IGSF21: variants seen among roughly 807,000 people sequenced by gnomAD.
The protein encoded by IGSF21 is immunoglobulin superfamily member 21.
Under a neutral mutation model 46.8 loss-of-function variants are expected in IGSF21, and 28 were observed. The observed-to-expected ratio is 0.60, with a 90% CI of 0.44 to 0.82. The LOEUF (loss-of-function observed/expected upper bound fraction) is 0.82, where lower values mean the gene tolerates loss of function less well. Ranked by LOEUF, IGSF21 falls within the 40% of genes least tolerant of loss-of-function variation. The pLI is 0.00. For synonymous variants in IGSF21, 284 were observed against 273.6 expected, an observed-to-expected ratio of 1.04 and a Z score of -0.38; for missense variants, 624 against 665.5, an observed-to-expected ratio of 0.94 and a Z score of 0.69.
intron 2 of IGSF21, among the ~76,000 whole-genome samples, chr1:18,238,452 G>C (rs2084693410): frequency 6.6e-6 from 1 of 152,232 alleles, no homozygotes; most frequent in Non-Finnish European, 1.5e-5. Context: ...GGTGGTGGGG[G>C]AAGACTGGCT....
chr1:18,206,723 G>A (rs141668294), intron 1 of IGSF21, among the ~76,000 whole-genome samples: 26 of 152,262 alleles, frequency 1.7e-4, no homozygotes, highest in African/African-American at 4.6e-4. Flanking sequence ...GTGCCTCACC[G>A]CACAGGCTTC....
intron 3 of IGSF21, among the ~76,000 whole-genome samples, chr1:18,320,519 C>T (rs1432583132): frequency 6.6e-6 from 1 of 152,172 alleles, no homozygotes; most frequent in East Asian, 1.9e-4. Context: ...GGTTTGGCCC[C>T]GGGTCATCCA....
intron 1 of IGSF21, among the ~76,000 whole-genome samples, chr1:18,141,646 G>A (rs1042259782): frequency 6.6e-6 from 1 of 152,170 alleles, no homozygotes; most frequent in African/African-American, 2.4e-5. Context: ...GATGACTTTA[G>A]GCAAGTCGCT....
intron 1 of IGSF21, among the ~76,000 whole-genome samples, chr1:18,209,755 C>T (rs1017374200): frequency 3.3e-5 from 5 of 152,088 alleles, no homozygotes; most frequent in East Asian, 1.9e-4. Flanking sequence ...CCACCGCACC[C>T]GGCCAGGCCT....
chr1:18,193,908 G>A (rs746958751), intron 1 of IGSF21, among the ~76,000 whole-genome samples: 21 of 152,152 alleles, frequency 1.4e-4, no homozygotes, highest in African/African-American at 4.8e-4. Flanking sequence ...TTCCCCCTGA[G>A]TGTGTGTCTG....
chr1:18,117,647 A>G (rs997176642), intron 1 of IGSF21, among the ~76,000 whole-genome samples: 2 of 152,076 alleles, frequency 1.3e-5, no homozygotes, highest in African/African-American at 4.8e-5. Flanking sequence ...TCCCTTGATG[A>G]TGTTTGGCTC....
chr1:18,152,750 A>G (rs755993297), intron 1 of IGSF21, among the ~76,000 whole-genome samples: 1 of 152,142 alleles, frequency 6.6e-6, no homozygotes, highest in African/African-American at 2.4e-5. Flanking sequence ...TATAAAGCCA[A>G]CTAAGGACAG....
In IGSF21 at chr1:18,359,508, G is replaced by A. The variant is rs658512; in HGVS notation, c.425-2607G>A. Among the ~76,000 whole-genome samples the A allele has an allele frequency of 9.8e-3, 629 of 64,014 alleles. 14 individuals carry two copies. The highest frequency in any genetic ancestry group is 0.029 in the South Asian group (51 of 1,742). 42.0% of individuals were successfully genotyped at this position (64,014 alleles called of 152,430 possible). A position where few individuals can be genotyped will look rare whatever the true frequency, so the allele number is the denominator to read the frequency against. ...GGAAGGAAGGAAGGAAGGAAGGAAG[G>A]AAGGAAAAGCAATCCTCTCCTCTCA... On this transcript the variant is annotated intron_variant, in intron 4 of 9. Coordinates refer to ENST00000251296, the MANE Select transcript of IGSF21 (RefSeq NM_032880.5).
chr1:18,311,751 G>A (rs1243140268), intron 3 of IGSF21, among the ~76,000 whole-genome samples: 1 of 152,198 alleles, frequency 6.6e-6, no homozygotes, highest in Non-Finnish European at 1.5e-5. Flanking sequence ...GAGAGAATGA[G>A]AGCCAAGTGA....
chr1:18,371,280 A>G (rs977882700), intron 6 of IGSF21, among the ~76,000 whole-genome samples: 3 of 152,336 alleles, frequency 2.0e-5, no homozygotes, highest in Admixed American at 6.5e-5. Context: ...GCTCAAAAAC[A>G]TGTTGATCAG....
chr1:18,280,529 T>C (rs1362449007), intron 2 of IGSF21, among the ~76,000 whole-genome samples: 1 of 152,202 alleles, frequency 6.6e-6, no homozygotes, highest in Non-Finnish European at 1.5e-5. Context: ...ATGTGTACTA[T>C]GTGAAAGACA....
intron 1 of IGSF21, among the ~76,000 whole-genome samples, chr1:18,221,296 G>A (rs577968385): frequency 3.5e-4 from 54 of 152,298 alleles, no homozygotes; most frequent in African/African-American, 1.1e-3. Context: ...AGTTTTAGGT[G>A]CTGAAAGTCT....
At chr1:18,194,902 C>T (rs1243722453) in intron 1 of IGSF21, among the ~76,000 whole-genome samples, 6 of 152,192 alleles carry the variant, frequency 3.9e-5, no homozygotes, top group Admixed American at 6.5e-5. Context: ...CCGAGGAGGC[C>T]TCACAATCAT....
chr1:18,210,728 C>A (rs995152028), intron 1 of IGSF21, among the ~76,000 whole-genome samples: 1 of 152,186 alleles, frequency 6.6e-6, no homozygotes, highest in Non-Finnish European at 1.5e-5. Flanking sequence ...CCGGTTCCTG[C>A]ACACCAGATG....
chr1:18,133,640 A>G (rs2086341963), intron 1 of IGSF21, among the ~76,000 whole-genome samples: 1 of 152,144 alleles, frequency 6.6e-6, no homozygotes, highest in Non-Finnish European at 1.5e-5. Context: ...ATCTTCCCCT[A>G]CCAACAGTCT....
chr1:18,173,062 G>C (rs1344033906), intron 1 of IGSF21, among the ~76,000 whole-genome samples: 1 of 152,186 alleles, frequency 6.6e-6, no homozygotes, highest in African/African-American at 2.4e-5. Flanking sequence ...GCCGAAGCAG[G>C]TGGGTCACTA....
rs369484545 is a variant in IGSF21, at chr1:18,329,971, G to T, written c.306-4921G>T. On this transcript the variant is annotated intron_variant, in intron 3 of 9. Coordinates refer to ENST00000251296, the MANE Select transcript of IGSF21 (RefSeq NM_032880.5). ...TTACTCACCCTTCAGAGATGCCGTCGGTGTTGGTAAACTCCAGCCGCTAAA... is the reference window on the plus strand; with the variant it reads ...TTACTCACCCTTCAGAGATGCCGTCTGTGTTGGTAAACTCCAGCCGCTAAA... Among the ~76,000 whole-genome samples the T allele has an allele frequency of 2.6e-5, 4 of 152,266 alleles. No homozygotes were observed. In the South Asian group the frequency reaches 6.2e-4, roughly 24 times the overall value.
At chr1:18,340,974 T>G (rs931776483) in intron 4 of IGSF21, among the ~76,000 whole-genome samples, 2 of 142,258 alleles carry the variant, frequency 1.4e-5, no homozygotes, top group Admixed American at 1.4e-4. Flanking sequence ...CTTCTTCTCC[T>G]TCTTCTTCTC....
chr1:18,196,019 A>G (rs2087004142), intron 1 of IGSF21, among the ~76,000 whole-genome samples: 1 of 152,196 alleles, frequency 6.6e-6, no homozygotes, highest in Non-Finnish European at 1.5e-5. Flanking sequence ...CAGCTTGGTG[A>G]TGCTGGGGGG....
Sources: gnomAD v4.1 joint callset for allele counts (sites outside exome capture counted in the v4.1 genomes callset) on GRCh38, gnomAD v4.1.1 for gene constraint, MANE v1.5 for transcripts, NCBI Gene and HGNC (gene_info 2026-07-23, HGNC 2026-07-21) for gene names.